NELL1: variants seen among roughly 807,000 people sequenced by gnomAD.
The protein encoded by NELL1 is neural EGFL like 1, also known as protein kinase C-binding protein NELL1.
In NELL1, 76 loss-of-function variants were observed where a neutral mutation model predicts 107.4. The ratio of observed to expected loss-of-function variants is 0.71; its 90% CI spans 0.59 to 0.86. The LOEUF is 0.86. Ranked by LOEUF, NELL1 falls within the 40% of genes least tolerant of loss-of-function variation. The probability of loss-of-function intolerance (pLI) is 0.00; values close to 1 mark genes in which losing one functional copy is unlikely to be tolerated. For missense variants in NELL1, 1,024 were observed against 1,005.5 expected (o/e 1.02, Z -0.25); for synonymous variants, 353 against 341.2 (o/e 1.03, Z -0.38).
chr11:20,990,184 G>A (rs1454053127), intron 12 of NELL1, among the ~76,000 whole-genome samples: 1 of 152,086 alleles, frequency 6.6e-6, no homozygotes, highest in African/African-American at 2.4e-5. Flanking sequence ...CCCTTTCATG[G>A]GTCAGTAAGG....
intron 15 of NELL1, among the ~76,000 whole-genome samples, chr11:21,480,520 T>C (rs10734298): frequency 0.95 from 144,157 of 152,266 alleles, 68,250 homozygotes; most frequent in East Asian, 1. Context: ...CGGCCACGGA[T>C]ATGCTAAATT....
intron 12 of NELL1, among the ~76,000 whole-genome samples, chr11:21,009,743 G>A (rs949852114): frequency 6.6e-6 from 1 of 152,090 alleles, no homozygotes; most frequent in African/African-American, 2.4e-5. Flanking sequence ...TGTCAGGCAG[G>A]TCAGACATTT....
chr11:21,261,086 T>G (rs557424806), intron 14 of NELL1, among the ~76,000 whole-genome samples: 3 of 152,002 alleles, frequency 2.0e-5, no homozygotes, highest in African/African-American at 4.8e-5. Context: ...GGTTGCTTAA[T>G]AAATCATTGC....
At position 21,176,751 on chromosome 11, in the gene NELL1, C is replaced by G. The variant is rs1029443767; in HGVS notation, c.1427-52581C>G. Among the ~76,000 whole-genome samples, 8 of 151,630 alleles carry G rather than the reference C, an allele frequency of 5.3e-5. 1 individual carries two copies. The highest frequency in any genetic ancestry group is 2.0e-4 in the African/African-American group (8 of 40,992). The stretch of plus-strand genomic sequence containing the variant: ...GGTCCTCTCTTCTCTATGTTGTCAT[C>G]AATCAAAGTTTAGGTGGTGACAGAA... On this transcript the variant is annotated intron_variant, in intron 13 of 19. Coordinates refer to ENST00000357134, the MANE Select transcript of NELL1 (RefSeq NM_006157.5).
intron 13 of NELL1, among the ~76,000 whole-genome samples, chr11:21,123,334 C>CGT (rs142012176): frequency 0.014 from 1,877 of 132,422 alleles, 19 homozygotes; most frequent in African/African-American, 0.024. Flanking sequence ...TGTGTGCCTG[C>CGT]GTGTGTGTGT....
At chr11:20,741,279 C>T (rs529873308) in intron 2 of NELL1, among the ~76,000 whole-genome samples, 2 of 152,082 alleles carry the variant, frequency 1.3e-5, no homozygotes, top group Non-Finnish European at 2.9e-5. Flanking sequence ...TCTTAATCCA[C>T]GTCCCAAATA....
chr11:21,056,626 C>G (rs1463669835), intron 12 of NELL1, among the ~76,000 whole-genome samples: 1 of 152,154 alleles, frequency 6.6e-6, no homozygotes, highest in Non-Finnish European at 1.5e-5. Context: ...TCTCGCTGGA[C>G]AGAAAGCTTA....
In NELL1 at chr11:21,284,539, T is replaced by C. The variant is rs561043778; in HGVS notation, c.1549+55085T>C. The C allele has an allele frequency of 2.2e-4, 101 of 459,000 alleles. 2 individuals carry two copies. In the East Asian group the frequency reaches 6.7e-3, roughly 31 times the overall value. The allele number at this position is 459,000 out of a possible 1,614,324, so 28.4% of individuals were successfully genotyped here. ...TATCCTCAGCTCACCTTAGAAGACATGATTGTGGAGAATGCCACAATGCAG... is the reference window on the plus strand; with the variant it reads ...TATCCTCAGCTCACCTTAGAAGACACGATTGTGGAGAATGCCACAATGCAG... On this transcript the variant is annotated intron_variant, in intron 14 of 19. Transcript: ENST00000357134.
chr11:21,563,810 C>T (rs1296758398), intron 17 of NELL1, among the ~76,000 whole-genome samples: 1 of 151,916 alleles, frequency 6.6e-6, no homozygotes, highest in East Asian at 2.0e-4. Flanking sequence ...TACGGAAAGC[C>T]TTTCACAGAG....
chr11:20,836,550 A>T (rs1231868250), intron 3 of NELL1, among the ~76,000 whole-genome samples: 1 of 152,152 alleles, frequency 6.6e-6, no homozygotes, highest in Admixed American at 6.5e-5. Flanking sequence ...TGGTACATGT[A>T]TATGATGAAG....
chr11:20,974,654 T>A (rs1404605168), intron 12 of NELL1, among the ~76,000 whole-genome samples: 1 of 152,158 alleles, frequency 6.6e-6, no homozygotes, highest in Non-Finnish European at 1.5e-5. Flanking sequence ...TCTCATAAGC[T>A]ATGATGAATA....
At chr11:20,707,825 C>A (rs1278093729) in intron 2 of NELL1, among the ~76,000 whole-genome samples, 1 of 152,212 alleles carries the variant, frequency 6.6e-6, no homozygotes. Context: ...TCTGTCCATT[C>A]TCAGATCTCA....
intron 10 of NELL1, among the ~76,000 whole-genome samples, chr11:20,938,683 G>A (rs569746047): frequency 3.3e-5 from 5 of 152,148 alleles, no homozygotes; most frequent in Admixed American, 6.6e-5. Flanking sequence ...GAGAAGGCAC[G>A]TTCCAAACAG....
At chr11:21,407,420 A>C (rs1432262410) in intron 15 of NELL1, among the ~76,000 whole-genome samples, 1 of 152,082 alleles carries the variant, frequency 6.6e-6, no homozygotes, top group Non-Finnish European at 1.5e-5. Flanking sequence ...TGTCTCAAAA[A>C]ACAAACAAAC....
intron 12 of NELL1, among the ~76,000 whole-genome samples, chr11:21,097,602 T>A (rs953095907): frequency 2.6e-5 from 4 of 152,002 alleles, no homozygotes; most frequent in African/African-American, 9.7e-5. Flanking sequence ...TGGGTACAGG[T>A]AGCCGAGGGA....
At chr11:21,141,924 C>T (rs1027903557) in intron 13 of NELL1, among the ~76,000 whole-genome samples, 1 of 151,972 alleles carries the variant, frequency 6.6e-6, no homozygotes, top group Non-Finnish European at 1.5e-5. Flanking sequence ...CCACCATGCT[C>T]AGCTAATTTT....
At chr11:20,935,519 C>A (rs544387308) in intron 9 of NELL1, among the ~76,000 whole-genome samples, 1 of 152,060 alleles carries the variant, frequency 6.6e-6, no homozygotes, top group African/African-American at 2.4e-5. Context: ...GGGCTGTGAA[C>A]CTTGGGAGAT....
chr11:20,688,911 T>C (rs79639557), intron 2 of NELL1, among the ~76,000 whole-genome samples: 5,352 of 152,174 alleles, frequency 0.035, 324 homozygotes, highest in African/African-American at 0.12. Flanking sequence ...CTGGTGTATT[T>C]TGACTCTTTT....
At chr11:20,941,738 T>C (rs1377407375) in intron 10 of NELL1, among the ~76,000 whole-genome samples, 1 of 152,116 alleles carries the variant, frequency 6.6e-6, no homozygotes, top group East Asian at 1.9e-4. Flanking sequence ...TTCTAGAAAA[T>C]AGAACGCGAG....
Sources: allele counts gnomAD v4.1 joint callset (sites outside exome capture counted in the v4.1 genomes callset), GRCh38; gene constraint gnomAD v4.1.1; transcripts MANE v1.5; gene names NCBI Gene and HGNC (gene_info 2026-07-23, HGNC 2026-07-21).